The following GMDS variants were observed in gnomAD, a reference collection of about 807,000 sequenced individuals.
The protein encoded by GMDS is GDP-mannose 4,6 dehydratase.
A neutral mutation model predicts 49.9 loss-of-function variants in GMDS; 20 were observed. The observed-to-expected ratio is 0.40, with a 90% CI of 0.28 to 0.58. GMDS has a LOEUF of 0.58. Among genes scored for constraint, GMDS ranks in the 20% least tolerant of loss-of-function variants. GMDS has a pLI of 0.42. For missense variants in GMDS, 362 were observed against 481.4 expected (o/e 0.75, Z 2.32); for synonymous variants, 177 against 178.6 (o/e 0.99, Z 0.07).
intron 7 of GMDS, among the ~76,000 whole-genome samples, chr6:1,801,144 G>A (rs1337473397): frequency 2.0e-5 from 3 of 152,184 alleles, no homozygotes; most frequent in Admixed American, 6.5e-5. Context: ...GCTGTAAAAT[G>A]TGCTTATTCT....
intron 4 of GMDS, among the ~76,000 whole-genome samples, chr6:2,111,910 A>G (rs1286639687): frequency 6.6e-6 from 1 of 152,240 alleles, no homozygotes; most frequent in Non-Finnish European, 1.5e-5. Flanking sequence ...CTACTAGAAA[A>G]CAAACAAACA....
chr6:2,031,291 T>C (rs1768947327), intron 4 of GMDS, among the ~76,000 whole-genome samples: 1 of 152,164 alleles, frequency 6.6e-6, no homozygotes, highest in Non-Finnish European at 1.5e-5. Context: ...TGCTGGTGAT[T>C]TCTCAAAAGC....
intron 8 of GMDS, among the ~76,000 whole-genome samples, chr6:1,741,414 A>G (rs1767263184): frequency 6.6e-6 from 1 of 152,166 alleles, no homozygotes. Context: ...TAGATTTCAC[A>G]GGAGTGATAT....
chr6:1,695,907 G>GTTTTTTTTTTTTTTTTTTTTTT (rs11366742), intron 9 of GMDS, among the ~76,000 whole-genome samples: 1 of 124,410 alleles, frequency 8.0e-6, no homozygotes, highest in Non-Finnish European at 1.7e-5. Context: ...TTCTGTCTTG[G>GTTTTTTTTTTTTTTTTTTTTTT]TTTTTTTTTT....
At chr6:1,977,515 G>C (rs544264286) in intron 4 of GMDS, among the ~76,000 whole-genome samples, 1 of 152,322 alleles carries the variant, frequency 6.6e-6, no homozygotes, top group Non-Finnish European at 1.5e-5. Context: ...GGCACTCATG[G>C]AGAGGAGTGA....
intron 4 of GMDS, among the ~76,000 whole-genome samples, chr6:2,082,379 A>C (rs181399273): frequency 6.6e-6 from 1 of 152,204 alleles, no homozygotes; most frequent in African/African-American, 2.4e-5. Flanking sequence ...CAAAAAGAGA[A>C]GAGTGTCACT....
chr6:2,064,747 A>C (rs1337308328), intron 4 of GMDS, among the ~76,000 whole-genome samples: 1 of 152,200 alleles, frequency 6.6e-6, no homozygotes, highest in Non-Finnish European at 1.5e-5. Context: ...AGAAGAAAGG[A>C]AGCCCTTTTC....
chr6:1,626,332 T>G (rs1004999449), intron 9 of GMDS: 9 of 152,242 alleles, frequency 5.9e-5, no homozygotes, highest in Admixed American at 6.5e-5. Context: ...TTATTTCTGC[T>G]GGCCCTAAAA....
intron 7 of GMDS, among the ~76,000 whole-genome samples, chr6:1,812,320 G>C (rs1407903325): frequency 6.6e-6 from 1 of 152,188 alleles, no homozygotes; most frequent in Non-Finnish European, 1.5e-5. Context: ...CTGATGTGAA[G>C]AGAGCGTGAG....
intron 4 of GMDS, among the ~76,000 whole-genome samples, chr6:1,979,785 G>A (rs1045697443): frequency 1.3e-5 from 2 of 152,132 alleles, no homozygotes; most frequent in Non-Finnish European, 2.9e-5. Context: ...AATGTTGAGG[G>A]CAGCCAGAGA....
chr6:2,117,273 T>A (rs959330463), intron 3 of GMDS, among the ~76,000 whole-genome samples, 196 bp downstream of exon 3: 1 of 152,136 alleles, frequency 6.6e-6, no homozygotes, highest in African/African-American at 2.4e-5. Context: ...CAAACCATCA[T>A]GACACTACGG....
intron 7 of GMDS, among the ~76,000 whole-genome samples, chr6:1,810,531 C>T (rs373377195): frequency 1.3e-5 from 2 of 152,124 alleles, no homozygotes; most frequent in Admixed American, 1.3e-4. Flanking sequence ...GATCCACCTG[C>T]CTCGGCCTCC....
chr6:1,684,418 A>C (rs1442176299), intron 9 of GMDS, among the ~76,000 whole-genome samples: 1 of 152,248 alleles, frequency 6.6e-6, no homozygotes, highest in Non-Finnish European at 1.5e-5. Flanking sequence ...CAGCAGCAAC[A>C]TTCGTATCAT....
intron 1 of GMDS, among the ~76,000 whole-genome samples, chr6:2,216,962 C>T (rs570978013): frequency 2.6e-5 from 4 of 152,220 alleles, no homozygotes; most frequent in Admixed American, 2.0e-4. Context: ...GACACTTCCC[C>T]GAGACTTGGC....
chr6:2,160,813 C>G (rs1231678375), intron 1 of GMDS, among the ~76,000 whole-genome samples: 1 of 152,124 alleles, frequency 6.6e-6, no homozygotes, highest in Non-Finnish European at 1.5e-5. Flanking sequence ...AGGCATGAGC[C>G]ACGACCACAC....
At chr6:2,072,100 CTTGTCTGTGT>C (rs1473604542) in intron 4 of GMDS, among the ~76,000 whole-genome samples, 50 of 152,224 alleles carry the variant, frequency 3.3e-4, no homozygotes, top group African/African-American at 1.2e-3. Context: ...CTGTGTGTTG[CTTGTCTGTGT>C]TTGTCTGTGT....
chr6:2,061,318 C>T (rs79044693), intron 4 of GMDS, among the ~76,000 whole-genome samples: 123 of 152,228 alleles, frequency 8.1e-4, no homozygotes, highest in African/African-American at 2.9e-3. Context: ...GAGATGAAAT[C>T]AAGTAAGAAG....
chr6:1,680,418 C>T (rs956819231), intron 9 of GMDS, among the ~76,000 whole-genome samples: 1 of 152,186 alleles, frequency 6.6e-6, no homozygotes, highest in African/African-American at 2.4e-5. Flanking sequence ...GGATCCTGAC[C>T]CCAACTATCA....
At chr6:2,182,580 A>G (rs1231076254) in intron 1 of GMDS, among the ~76,000 whole-genome samples, 1 of 152,228 alleles carries the variant, frequency 6.6e-6, no homozygotes, top group Non-Finnish European at 1.5e-5. Flanking sequence ...TAAGGCCCTT[A>G]AGAATTTTGT....
Sources: gnomAD v4.1 joint callset for allele counts (sites outside exome capture counted in the v4.1 genomes callset) on GRCh38, gnomAD v4.1.1 for gene constraint, MANE v1.5 for transcripts, NCBI Gene and HGNC (gene_info 2026-07-23, HGNC 2026-07-21) for gene names.